Variants in EFR3A observed in about 807,000 individuals in gnomAD.
EFR3A encodes EFR3 homolog A, also known as protein EFR3 homolog A.
EFR3A carries 76 observed loss-of-function variants against 104.4 expected under a neutral mutation model. The observed-to-expected ratio is 0.73, with a 90% confidence interval of 0.60 to 0.88. The LOEUF is 0.88. EFR3A is among the 40% of genes least tolerant of loss of function. EFR3A has a pLI of 0.00. For synonymous variants in EFR3A, 330 were observed against 330.0 expected, an observed-to-expected ratio of 1.00 and a Z score of 0.00; for missense variants, 985 against 1,012.5, an observed-to-expected ratio of 0.97 and a Z score of 0.37.
intron 10 of EFR3A, 86 bp from the exon 11 acceptor site, chr8:131,975,941 T>C (rs1820304560): frequency 2.7e-6 from 2 of 750,290 alleles, no homozygotes; most frequent in Non-Finnish European, 4.5e-6. Flanking sequence ...TTACCACATA[T>C]TGAAAACTTT....
At chr8:131,944,369 A>G (rs906895125) in intron 2 of EFR3A, among the ~76,000 whole-genome samples, 3 of 152,158 alleles carry the variant, frequency 2.0e-5, no homozygotes, top group Non-Finnish European at 2.9e-5. Flanking sequence ...TGACTATCGT[A>G]TAAGTAAATG....
chr8:131,983,961 T>C (rs1808367479), intron 14 of EFR3A, among the ~76,000 whole-genome samples, 178 bp from the exon 15 acceptor site: 1 of 152,234 alleles, frequency 6.6e-6, no homozygotes. Context: ...TTTGTAGTTG[T>C]ATATTAGCAT....
intron 12 of EFR3A, among the ~76,000 whole-genome samples, chr8:131,977,444 C>G (rs1450655756): frequency 2.0e-5 from 3 of 152,134 alleles, no homozygotes; most frequent in African/African-American, 7.2e-5. Flanking sequence ...AAAGTTCTTT[C>G]AACATATTAT....
At chr8:131,914,510 A>G (rs1816659790) in intron 1 of EFR3A, among the ~76,000 whole-genome samples, 1 of 152,146 alleles carries the variant, frequency 6.6e-6, no homozygotes, top group South Asian at 2.1e-4. Context: ...GGGAAGCTTG[A>G]GCTTTTAGAG....
In EFR3A at chr8:131,984,320, C is replaced by G. The variant is rs754634649; in HGVS notation, c.1737+20C>G. The G allele has an allele frequency of 1.3e-6, 2 of 1,512,500 alleles. No homozygotes were observed. The highest frequency in any genetic ancestry group is 2.4e-5 in the East Asian group (1 of 41,360). 93.7% of individuals were successfully genotyped at this position (1,512,500 alleles called of 1,614,324 possible). A position where few individuals can be genotyped will look rare whatever the true frequency, so the allele number is the denominator to read the frequency against. Reference sequence around the variant, plus strand: ...TTACAGGTATGCTTTCATAACCGTTCACTGCAGAAAACATTTTTTATAAAG... The same window carrying G: ...TTACAGGTATGCTTTCATAACCGTTGACTGCAGAAAACATTTTTTATAAAG... On this transcript the variant is annotated intron_variant, in intron 15 of 22. Transcript: ENST00000254624.
chr8:131,935,283 T>C (rs999431638), intron 1 of EFR3A, among the ~76,000 whole-genome samples: 1 of 152,176 alleles, frequency 6.6e-6, no homozygotes, highest in South Asian at 2.1e-4. Flanking sequence ...TGTTTCCTTA[T>C]TTATTTAGGA....
intron 22 of EFR3A, among the ~76,000 whole-genome samples, chr8:132,006,090 C>T (rs1191103393): frequency 1.3e-5 from 2 of 152,086 alleles, no homozygotes; most frequent in African/African-American, 4.8e-5. Context: ...AAACTAAAAT[C>T]GTGCTCAGGA....
At chr8:132,009,189 C>T (rs1822196665) in intron 22 of EFR3A, among the ~76,000 whole-genome samples, 1 of 151,924 alleles carries the variant, frequency 6.6e-6, no homozygotes, top group Non-Finnish European at 1.5e-5. Flanking sequence ...TGAAAACACT[C>T]TTAACCATGA....
rs766225301 is a variant in EFR3A, at chr8:131,946,589, C to T, written c.322C>T (p.Leu108=). 2 of 1,605,556 alleles carry T rather than the reference C, an allele frequency of 1.2e-6. No homozygotes were observed. The highest frequency in any genetic ancestry group is 1.7e-6 in the Non-Finnish European group (2 of 1,176,028). The change falls in exon 4 of 23, where the codon CTG becomes TTG. Residue 108 remains leucine, a synonymous_variant. Coordinates refer to ENST00000254624, the MANE Select transcript of EFR3A (RefSeq NM_015137.6). ...ESFLHMVAKL[L]ESGEPKLQVL... ...CTTTCTTCATATGGTGGCAAAGCTG[C>T]TGGAATCGGGGGAACCAAAGCTTCA...
At chr8:131,913,631 A>G (rs1175189188) in intron 1 of EFR3A, among the ~76,000 whole-genome samples, 1 of 152,000 alleles carries the variant, frequency 6.6e-6, no homozygotes, top group East Asian at 1.9e-4. Context: ...TATTGTTATT[A>G]CCTGAACTCC....
Position 131,960,739 on chromosome 8 carries a change from T to A in EFR3A, c.855+1076T>A, listed in dbSNP as rs531103723. On this transcript the variant is annotated intron_variant, in intron 8 of 22. Coordinates refer to ENST00000254624, the MANE Select transcript of EFR3A (RefSeq NM_015137.6). ...ACATAGTTTCAAATATAGTAAGGCA[T>A]TTCTGGTAAAGGGAAAGTATTTTAC... 2.0e-5 allele frequency among the ~76,000 whole-genome samples: 3 copies of A among 152,294 alleles called. No homozygotes were observed. The South Asian group carries it at 6.2e-4, about 32-fold the overall frequency.
In EFR3A at chr8:131,984,921, T is replaced by C; in HGVS notation, c.1738-8T>C. On this transcript the variant is annotated splice_polypyrimidine_tract_variant and splice_region_variant and intron_variant, in intron 15 of 22. Transcript: ENST00000254624. Reference sequence around the variant, plus strand: ...TGATCTCTCTGATGTGTTTGTTTCTTATTAAAGGACAGTGCAATTATCAAT... The same window carrying C: ...TGATCTCTCTGATGTGTTTGTTTCTCATTAAAGGACAGTGCAATTATCAAT... 1 of 1,611,730 alleles carries C rather than the reference T, an allele frequency of 6.2e-7. No individual in the cohort carries two copies. Among genetic ancestry groups the C allele is most frequent in the Non-Finnish European group, 8.5e-7 (1 of 1,178,494 alleles).
intron 1 of EFR3A, among the ~76,000 whole-genome samples, chr8:131,905,372 T>C (rs948521829): frequency 6.6e-6 from 1 of 152,208 alleles, no homozygotes; most frequent in Non-Finnish European, 1.5e-5. Context: ...TGGGAAAAGA[T>C]GAGTTATTTC....
intron 1 of EFR3A, among the ~76,000 whole-genome samples, chr8:131,933,871 T>C (rs1817741436): frequency 6.6e-6 from 1 of 152,066 alleles, no homozygotes. Flanking sequence ...GTCTGTGTTA[T>C]GCCTATTATA....
intron 19 of EFR3A, among the ~76,000 whole-genome samples, chr8:131,999,585 G>A (rs961300100): frequency 7.9e-5 from 12 of 151,976 alleles, no homozygotes; most frequent in Non-Finnish European, 1.3e-4. Context: ...TCCCTCTATA[G>A]AGTTGGAACA....
chr8:131,926,154 A>G (rs1280007073), intron 1 of EFR3A, among the ~76,000 whole-genome samples: 2 of 152,300 alleles, frequency 1.3e-5, no homozygotes, highest in African/African-American at 4.8e-5. Flanking sequence ...ATTATAAACA[A>G]TATACTTCAA....
chr8:131,919,011 TA>T (rs1357100006), intron 1 of EFR3A, among the ~76,000 whole-genome samples: 3 of 152,282 alleles, frequency 2.0e-5, no homozygotes, highest in Admixed American at 6.5e-5. Flanking sequence ...AACAAACTAA[TA>T]TTTTTTGATT....
intron 22 of EFR3A, 81 bp from the exon 23 acceptor site, chr8:132,010,709 C>A: frequency 6.7e-7 from 1 of 1,487,254 alleles, no homozygotes. Context: ...CTTTGATATT[C>A]GCAGATAGTA....
At chr8:131,918,402 G>A (rs1189607022) in intron 1 of EFR3A, among the ~76,000 whole-genome samples, 1 of 152,168 alleles carries the variant, frequency 6.6e-6, no homozygotes, top group African/African-American at 2.4e-5. Flanking sequence ...AGGTTTCTTG[G>A]TTTTAGTTGG....
Sources: allele counts gnomAD v4.1 joint callset (sites outside exome capture counted in the v4.1 genomes callset), GRCh38; gene constraint gnomAD v4.1.1; transcripts MANE v1.5; gene names NCBI Gene and HGNC (gene_info 2026-07-23, HGNC 2026-07-21).